Variants in BPI observed in about 807,000 individuals in gnomAD.
BPI encodes the protein bactericidal permeability-increasing protein.
In BPI, 48 loss-of-function variants were observed where a neutral mutation model predicts 57.6. The observed-to-expected ratio is 0.83, with a 90% CI of 0.66 to 1.06. BPI has a LOEUF of 1.06. Ranked by LOEUF, BPI falls within the 50% of genes least tolerant of loss-of-function variation. BPI has a pLI of 0.00. For missense variants in BPI, 651 were observed against 609.7 expected (o/e 1.07, Z -0.71); for synonymous variants, 237 against 238.2 (o/e 0.99, Z 0.05).
chr20:38,336,499 G>A (rs927015332), intron 14 of BPI, among the ~76,000 whole-genome samples: 6 of 151,890 alleles, frequency 4.0e-5, no homozygotes, highest in South Asian at 2.1e-4. Context: ...CAGCGAAACC[G>A]TCACCCAGCT....
At chr20:38,327,731 T>C (rs1395610017) in intron 11 of BPI, 76 bp downstream of exon 11, 4 of 1,507,270 alleles carry the variant, frequency 2.7e-6, no homozygotes, top group Non-Finnish European at 3.7e-6. Flanking sequence ...GGTCCTGTGA[T>C]ATACAGAAGC....
At chr20:38,328,899 G>A (rs1277010476) in intron 11 of BPI, among the ~76,000 whole-genome samples, 5 of 152,088 alleles carry the variant, frequency 3.3e-5, no homozygotes, top group Non-Finnish European at 4.4e-5. Context: ...CCAGCTACTC[G>A]AGAGGCTGAG....
At chr20:38,317,285 T>C (rs1408816221) in intron 5 of BPI, among the ~76,000 whole-genome samples, 1 of 152,172 alleles carries the variant, frequency 6.6e-6, no homozygotes, top group African/African-American at 2.4e-5. Context: ...CAAAATTTGG[T>C]ATCATAAAAC....
intron 14 of BPI, among the ~76,000 whole-genome samples, chr20:38,336,145 C>G (rs1284698264): frequency 6.6e-6 from 1 of 152,082 alleles, no homozygotes; most frequent in African/African-American, 2.4e-5. Flanking sequence ...GACACTGATG[C>G]GCTTCCTGGG....
At chr20:38,330,752 G>A (rs929642926) in intron 11 of BPI, among the ~76,000 whole-genome samples, 1 of 152,168 alleles carries the variant, frequency 6.6e-6, no homozygotes, top group Non-Finnish European at 1.5e-5. Context: ...ACTTTCATTG[G>A]GCCAGCATAG....
At chr20:38,335,064 T>C (rs1422685096) in intron 13 of BPI, among the ~76,000 whole-genome samples, 1 of 152,136 alleles carries the variant, frequency 6.6e-6, no homozygotes, top group Non-Finnish European at 1.5e-5. Context: ...AATTATCATA[T>C]GAAATATGAT....
In BPI at chr20:38,337,133, C is replaced by G. The variant is rs1436658109; in HGVS notation, c.1414-13C>G. Reference sequence around the variant, plus strand: ...CATCTTCAACTGGTGACAACATTCTCATCTCTCCCTAGAACTTCCTGCTGT... The same window carrying G: ...CATCTTCAACTGGTGACAACATTCTGATCTCTCCCTAGAACTTCCTGCTGT... On this transcript the variant is annotated splice_polypyrimidine_tract_variant and intron_variant, in intron 14 of 14. Coordinates refer to ENST00000642449, the MANE Select transcript of BPI (RefSeq NM_001725.3). The G allele has an allele frequency of 6.2e-7, 1 of 1,602,792 alleles. No individual in the cohort carries two copies. Among genetic ancestry groups the G allele is most frequent in the Non-Finnish European group, 8.5e-7 (1 of 1,175,386 alleles).
At chr20:38,326,519 G>C in intron 10 of BPI, 87 bp downstream of exon 10, 5 of 1,419,872 alleles carry the variant, frequency 3.5e-6, no homozygotes, top group Non-Finnish European at 3.7e-6. Flanking sequence ...TGTGAATCCT[G>C]TCTGGATTCA....
Position 38,337,433 on chromosome 20 carries a change from C to T in BPI, c.*249C>T, listed in dbSNP as rs939855298. On this transcript the variant is annotated 3_prime_UTR_variant, in exon 15 of 15. Transcript: ENST00000642449. ...CTGCAGAGATATTTCCTCCAGGAAT[C>T]GTGTTTCAATTGTAACCAAGAAATT... is the stretch of plus-strand genomic sequence containing the variant. The T allele has an allele frequency of 8.0e-6, 3 of 374,688 alleles. No individual in the cohort carries two copies. The highest frequency in any genetic ancestry group is 1.4e-5 in the Non-Finnish European group (3 of 212,272). 23.2% of individuals were successfully genotyped at this position (374,688 alleles called of 1,614,324 possible).
At chr20:38,314,173 T>A (rs565883947) in intron 5 of BPI, among the ~76,000 whole-genome samples, 2 of 89,020 alleles carry the variant, frequency 2.2e-5, no homozygotes, top group Non-Finnish European at 2.5e-5. Context: ...ATGGTGGGGA[T>A]GATGATAATA....
At chr20:38,306,463 A>G (rs1276658703) in intron 1 of BPI, among the ~76,000 whole-genome samples, 1 of 152,246 alleles carries the variant, frequency 6.6e-6, no homozygotes, top group African/African-American at 2.4e-5. Flanking sequence ...GACATTCGTC[A>G]GAGTCACGTG....
intron 7 of BPI, 149 bp downstream of exon 7, chr20:38,320,423 C>G (rs1568814339): frequency 1.1e-5 from 8 of 725,222 alleles, no homozygotes; most frequent in Non-Finnish European, 1.8e-5. Flanking sequence ...TCTCCCTGCT[C>G]CAGTCACACT....
chr20:38,334,998 T>C (rs1233206027), intron 13 of BPI, among the ~76,000 whole-genome samples: 1 of 152,108 alleles, frequency 6.6e-6, no homozygotes, highest in East Asian at 1.9e-4. Flanking sequence ...AAAGTACTAA[T>C]AGAGGCCCAT....
chr20:38,318,585 T>C, intron 6 of BPI, 109 bp downstream of exon 6: 1 of 1,175,672 alleles, frequency 8.5e-7, no homozygotes, highest in Non-Finnish European at 1.3e-6. Context: ...GCCCTGGGCC[T>C]GGGTGGGAAT....
In BPI at chr20:38,337,388, G is replaced by C. The variant is rs1391094541; in HGVS notation, c.*204G>C. Reference sequence around the variant, plus strand: ...ATGGTGTGTATTTTAGGGATTATGAGCTTCTTTCAAGGGCTAAGGCTGCAG... The same window carrying C: ...ATGGTGTGTATTTTAGGGATTATGACCTTCTTTCAAGGGCTAAGGCTGCAG... On this transcript the variant is annotated 3_prime_UTR_variant, in exon 15 of 15. Coordinates refer to ENST00000642449, the MANE Select transcript of BPI (RefSeq NM_001725.3). 2 of 476,968 alleles carry C rather than the reference G, an allele frequency of 4.2e-6. No individual in the cohort carries two copies. Among genetic ancestry groups the C allele is most frequent in the African/African-American group, 4.1e-5 (2 of 48,876 alleles). The allele number at this position is 476,968 out of a possible 1,614,324, so 29.5% of individuals were successfully genotyped here. A position where few individuals can be genotyped will look rare whatever the true frequency, so the allele number is the denominator to read the frequency against.
chr20:38,324,115 ATCTG>A, intron 8 of BPI, 69 bp downstream of exon 8: 1 of 1,527,076 alleles, frequency 6.5e-7, no homozygotes, highest in African/African-American at 1.4e-5. Context: ...TTCCAGACAA[ATCTG>A]GAAAAAGCTT....
At chr20:38,320,396 T>C in intron 7 of BPI, 122 bp downstream of exon 7, 1 of 845,748 alleles carries the variant, frequency 1.2e-6, no homozygotes. Flanking sequence ...ACCACCACCC[T>C]CTCTACTCTC....
intron 8 of BPI, 93 bp downstream of exon 8, chr20:38,324,139 TG>T (rs2076700690): frequency 7.0e-7 from 1 of 1,423,338 alleles, no homozygotes; most frequent in African/African-American, 1.4e-5. Flanking sequence ...TTTCTCACAT[TG>T]GGGTAGGTTA....
At chr20:38,320,116 C>G in intron 6 of BPI, 67 bp from the exon 7 acceptor site, 1 of 1,304,118 alleles carries the variant, frequency 7.7e-7, no homozygotes, top group Non-Finnish European at 1.1e-6. Context: ...GGATTCTGAT[C>G]CTGCATTTCA....
Sources: gnomAD v4.1 joint callset for allele counts (sites outside exome capture counted in the v4.1 genomes callset) on GRCh38, gnomAD v4.1.1 for gene constraint, MANE v1.5 for transcripts, NCBI Gene and HGNC (gene_info 2026-07-23, HGNC 2026-07-21) for gene names.